The following NOL4L variants were observed in gnomAD, a reference collection of about 807,000 sequenced individuals.
The protein encoded by NOL4L is nucleolar protein 4 like, also known as nucleolar protein 4-like.
A neutral mutation model predicts 64.5 loss-of-function variants in NOL4L; 7 were observed. That is an observed-to-expected ratio of 0.11 (90% CI 0.06 to 0.20). The LOEUF is 0.20. Ranked by LOEUF, NOL4L falls within the 10% of genes least tolerant of loss-of-function variation. The pLI is 1.00. For missense variants in NOL4L, 680 were observed against 967.1 expected, an observed-to-expected ratio of 0.70 and a Z score of 3.94; for synonymous variants, 413 against 401.0, an observed-to-expected ratio of 1.03 and a Z score of -0.36.
At chr20:32,564,685 G>A (rs1489029042) in intron 1 of NOL4L, among the ~76,000 whole-genome samples, 1 of 152,226 alleles carries the variant, frequency 6.6e-6, no homozygotes, top group Non-Finnish European at 1.5e-5. Context: ...TGTAAAATGG[G>A]CTAGGAATCT....
At chr20:32,510,953 G>A (rs944444790) in intron 4 of NOL4L, among the ~76,000 whole-genome samples, 2 of 152,126 alleles carry the variant, frequency 1.3e-5, no homozygotes, top group Admixed American at 6.5e-5. Flanking sequence ...GAGTGACAGA[G>A]GCCACAGGCA....
chr20:32,490,914 T>G (rs949724400), intron 4 of NOL4L, among the ~76,000 whole-genome samples: 8 of 152,352 alleles, frequency 5.3e-5, no homozygotes, highest in African/African-American at 1.9e-4. Flanking sequence ...GCTGGCCTTA[T>G]TTCCTTCTGT....
intron 4 of NOL4L, chr20:32,510,140 G>T: frequency 2.6e-6 from 1 of 379,128 alleles, no homozygotes; most frequent in Non-Finnish European, 5.2e-6. Flanking sequence ...GGAATTATTT[G>T]TGATGATGTG....
In NOL4L at chr20:32,535,672, GA is replaced by G. The variant is rs891847197; in HGVS notation, c.322-7760del. ...CCCCTCAAACAACGGCGCTACATTTGAGGATGTCATCTCCTCCAAGCAGCTC... is the reference window on the plus strand; with the variant it reads ...CCCCTCAAACAACGGCGCTACATTTGGGATGTCATCTCCTCCAAGCAGCTC... On this transcript the variant is annotated intron_variant, in intron 1 of 10. Coordinates refer to ENST00000621426, the MANE Select transcript of NOL4L (RefSeq NM_001256798.2). 8 of 985,346 alleles carry G rather than the reference GA, an allele frequency of 8.1e-6. No individual in the cohort carries two copies. The Admixed American group carries it at 3.1e-4, about 38-fold the overall frequency. The allele number at this position is 985,346 out of a possible 1,614,324, so 61.0% of individuals were successfully genotyped here. A position where few individuals can be genotyped will look rare whatever the true frequency, so the allele number is the denominator to read the frequency against.
chr20:32,537,168 C>T, intron 1 of NOL4L: 7 of 956,530 alleles, frequency 7.3e-6, no homozygotes, highest in Non-Finnish European at 7.5e-6. Context: ...CGTGCCAAGC[C>T]TGATCTCCCG....
intron 4 of NOL4L, among the ~76,000 whole-genome samples, chr20:32,495,332 G>A (rs896291764): frequency 2.6e-5 from 4 of 152,210 alleles, no homozygotes; most frequent in African/African-American, 9.6e-5. Context: ...CATATCTGTC[G>A]AGGAGGCTGC....
At chr20:32,581,368 G>C (rs1011228946) in intron 1 of NOL4L, among the ~76,000 whole-genome samples, 4 of 151,902 alleles carry the variant, frequency 2.6e-5, no homozygotes, top group Non-Finnish European at 5.9e-5. Context: ...TTAAGCCTTT[G>C]TCACACACAC....
At chr20:32,474,788 C>T (rs1438262150) in intron 4 of NOL4L, 46 bp from the exon 5 acceptor site, 24 of 1,542,742 alleles carry the variant, frequency 1.6e-5, no homozygotes, top group Non-Finnish European at 2.1e-5. Context: ...GACGGGCTCT[C>T]ATCAGCCTGA....
chr20:32,534,547 C>A (rs2018448788), intron 1 of NOL4L, among the ~76,000 whole-genome samples: 1 of 152,344 alleles, frequency 6.6e-6, no homozygotes, highest in East Asian at 1.9e-4. Flanking sequence ...GTCCCCAAAA[C>A]CCAGCCTTAA....
rs138317539 is a variant in NOL4L at position 32,501,585 on chromosome 20, C to T, written c.699+9762G>A. Among the ~76,000 whole-genome samples, 55 of 152,128 alleles carry T rather than the reference C, an allele frequency of 3.6e-4. 1 individual carries two copies. Among genetic ancestry groups the T allele is most frequent in the African/African-American group, 1.0e-3 (42 of 41,506 alleles). The stretch of plus-strand genomic sequence containing the variant: ...ACCTTAATATAAGACATTGATAATA[C>T]GGGAAACTGTGTGTCGAGGAGTGGG... On this transcript the variant is annotated intron_variant, in intron 4 of 10. Transcript: ENST00000621426.
At position 32,456,354 on chromosome 20, in the gene NOL4L, T is replaced by G. The variant is rs1600646649; in HGVS notation, c.883A>C (p.Thr295Pro). 6.7e-7 allele frequency: 1 copy of G among 1,483,288 alleles called. No individual in the cohort carries two copies. 91.9% of individuals were successfully genotyped at this position (1,483,288 alleles called of 1,614,324 possible). Residue 295 changes from threonine to proline, a missense_variant, in exon 6 of 11, where the codon ACC becomes CCC. This residue lies in a region of NOL4L where 254 missense variants were observed against 238.7 expected (regional missense o/e 1.06). Transcript: ENST00000621426. ...CTGCTCGACGTGGATGGGTTCAGGG[T>G]GGAGGAGCCATTGCCGCTGCCACTC... is the stretch of plus-strand genomic sequence containing the variant. ...SESGSGNGSSTLNPSTSSSTQ... is the reference protein window; with the variant it reads ...SESGSGNGSSPLNPSTSSSTQ...
At chr20:32,504,238 T>A (rs1041624947) in intron 4 of NOL4L, among the ~76,000 whole-genome samples, 24 of 152,206 alleles carry the variant, frequency 1.6e-4, no homozygotes, top group Admixed American at 1.5e-3. Flanking sequence ...CTATTTCTAG[T>A]CCATGGAGAT....
At chr20:32,491,222 T>C (rs2016455883) in intron 4 of NOL4L, among the ~76,000 whole-genome samples, 1 of 152,152 alleles carries the variant, frequency 6.6e-6, no homozygotes. Context: ...TGTATTCCAG[T>C]TTGTACTTGA....
intron 4 of NOL4L, among the ~76,000 whole-genome samples, chr20:32,496,765 T>C (rs1434976183): frequency 6.6e-6 from 1 of 152,044 alleles, no homozygotes; most frequent in African/African-American, 2.4e-5. Context: ...TTGGCCGGGC[T>C]GGTCTCGAAC....
intron 4 of NOL4L, among the ~76,000 whole-genome samples, chr20:32,503,032 G>T (rs1167147418): frequency 6.6e-6 from 1 of 152,220 alleles, no homozygotes; most frequent in Non-Finnish European, 1.5e-5. Context: ...GCGGTGGAAG[G>T]TCTGGGGGCA....
Position 32,494,270 on chromosome 20 carries a change from A to C in NOL4L, c.699+17077T>G, listed in dbSNP as rs1293040366. On this transcript the variant is annotated intron_variant, in intron 4 of 10. Coordinates refer to ENST00000621426, the MANE Select transcript of NOL4L (RefSeq NM_001256798.2). ...AATCTCGGGAAAAAAAAAAAAAAAA[A>C]AAAAAAAAAAAACACACAACACACA... Among the ~76,000 whole-genome samples, 657 of 142,958 alleles carry C rather than the reference A, an allele frequency of 4.6e-3. 15 individuals are homozygous for C. The highest frequency in any genetic ancestry group is 0.018 in the African/African-American group (631 of 35,882). 93.8% of individuals were successfully genotyped at this position (142,958 alleles called of 152,430 possible). A position where few individuals can be genotyped will look rare whatever the true frequency, so the allele number is the denominator to read the frequency against.
chr20:32,520,720 CTT>C lies in NOL4L; in HGVS notation c.589+89_589+90del, dbSNP rs1245320027. On this transcript the variant is annotated intron_variant, in intron 3 of 10. Coordinates refer to ENST00000621426, the MANE Select transcript of NOL4L (RefSeq NM_001256798.2). ...GACTAGCAACAACAGCTGCTGGACA[CTT>C]TTCTGTGCCAGCAAAAGCTGGCGTC... is the stretch of plus-strand genomic sequence containing the variant. 3.5e-5 allele frequency: 27 copies of C among 763,720 alleles called. No homozygotes were observed. The South Asian group carries it at 4.9e-4, about 14-fold the overall frequency. The allele number at this position is 763,720 out of a possible 1,614,324, so 47.3% of individuals were successfully genotyped here.
At chr20:32,451,393 G>A (rs1385024252) in intron 10 of NOL4L, among the ~76,000 whole-genome samples, 1 of 152,208 alleles carries the variant, frequency 6.6e-6, no homozygotes, top group Admixed American at 6.5e-5. Context: ...TGGCCCAAGA[G>A]GTCCTGTGAC....
chr20:32,533,888 C>T (rs371470164), intron 1 of NOL4L, among the ~76,000 whole-genome samples: 3 of 152,200 alleles, frequency 2.0e-5, no homozygotes, highest in Non-Finnish European at 2.9e-5. Context: ...CCTGCCGGGG[C>T]GACCTCAGGG....
Sources: gnomAD v4.1 joint callset for allele counts (sites outside exome capture counted in the v4.1 genomes callset) on GRCh38, gnomAD v4.1.1 for gene constraint, gnomAD v4.1.1 regional missense constraint, MANE v1.5 for transcripts, NCBI Gene and HGNC (gene_info 2026-07-23, HGNC 2026-07-21) for gene names.